ALS2CL: variants seen among roughly 807,000 people sequenced by gnomAD.
ALS2CL encodes the protein ALS2 C-terminal-like protein.
A neutral mutation model predicts 127.9 loss-of-function variants in ALS2CL; 112 were observed. The observed-to-expected ratio is 0.88, with a 90% CI of 0.75 to 1.02. The LOEUF is 1.02. Among genes scored for constraint, ALS2CL ranks in the 50% least tolerant of loss-of-function variants. The pLI is 0.00. For synonymous variants in ALS2CL, 519 were observed against 527.6 expected (o/e 0.98, Z 0.22); for missense variants, 1,174 against 1,236.7 (o/e 0.95, Z 0.76).
rs893598498 is a variant in ALS2CL, at chr3:46,686,604, G to A, written c.535-165C>T. On this transcript the variant is annotated intron_variant, in intron 5 of 25. Transcript: ENST00000318962. This position sits in a 1 kb window ranked among gnomAD's most constrained non-coding sequence, Gnocchi z 4.3. ...GGGGCAGGGGGTGGAATATGAAGGTGCTTCCCCAGCTTGGCCCTGGGCCCA... is the reference window on the plus strand; with the variant it reads ...GGGGCAGGGGGTGGAATATGAAGGTACTTCCCCAGCTTGGCCCTGGGCCCA... Among the ~76,000 whole-genome samples the A allele has an allele frequency of 6.6e-6, 1 of 152,116 alleles. No homozygotes were observed. Among genetic ancestry groups the A allele is most frequent in the Non-Finnish European group, 1.5e-5 (1 of 68,012 alleles).
intron 3 of ALS2CL, 120 bp downstream of exon 3, chr3:46,687,978 C>T: frequency 7.8e-7 from 1 of 1,280,550 alleles, no homozygotes; most frequent in Non-Finnish European, 1.1e-6. Flanking sequence ...CAACCATGGA[C>T]TGAGCCCAAA....
intron 24 of ALS2CL, 99 bp downstream of exon 24, chr3:46,671,785 T>G: frequency 6.4e-7 from 1 of 1,556,154 alleles, no homozygotes; most frequent in Non-Finnish European, 8.7e-7. Flanking sequence ...AGAGAGAAGC[T>G]GCATCCATAA....
chr3:46,669,575 T>A lies in ALS2CL; in HGVS notation c.*1409A>T, dbSNP rs1031952587. On this transcript the variant is annotated 3_prime_UTR_variant, in exon 26 of 26. Transcript: ENST00000318962. ...TCCTAGTGAGCTGCCCCAGTCCCGG[T>A]AAGCATGAGTGCCTGCATATCCTCG... 2 of 152,276 alleles carry A rather than the reference T, an allele frequency of 1.3e-5. No homozygotes were observed. The highest frequency in any genetic ancestry group is 4.8e-5 in the African/African-American group (2 of 41,464). The allele number at this position is 152,276 out of a possible 1,614,324, so 9.4% of individuals were successfully genotyped here.
At position 46,671,059 on chromosome 3, in the gene ALS2CL, A is replaced by G. The variant is rs751083820; in HGVS notation, c.2787T>C (p.Cys929=). The G allele has an allele frequency of 6.2e-7, 1 of 1,614,130 alleles. No individual in the cohort carries two copies. Among genetic ancestry groups the G allele is most frequent in the South Asian group, 1.1e-5 (1 of 91,076 alleles). Residue 929 remains cysteine, a synonymous_variant, in exon 26 of 26, where the codon TGT becomes TGC. Coordinates refer to ENST00000318962, the MANE Select transcript of ALS2CL (RefSeq NM_147129.5). The stretch of plus-strand genomic sequence containing the variant: ...TGTCTTCTTTCTGGATGTGCTCGTA[A>G]CAGGACTGGAGGGAGAGAGGCAAGG... ...YDFLLTALES[C]YEHIQKEDMR... is the part of the protein sequence containing the mutation.
intron 18 of ALS2CL, 71 bp from the exon 19 acceptor site, chr3:46,676,473 C>A: frequency 6.3e-7 from 1 of 1,593,916 alleles, no homozygotes; most frequent in Non-Finnish European, 8.6e-7. Context: ...CCACACCAGC[C>A]TCCCAACACT....
At chr3:46,673,827 A>G (rs1014394778) in intron 21 of ALS2CL, among the ~76,000 whole-genome samples, 1 of 152,082 alleles carries the variant, frequency 6.6e-6, no homozygotes, top group Non-Finnish European at 1.5e-5. Flanking sequence ...TGCAGGACAC[A>G]GTCACCAAGA....
At position 46,678,313 on chromosome 3, in the gene ALS2CL, T is replaced by C. The variant is rs779383612; in HGVS notation, c.1703A>G (p.Gln568Arg). Reference protein sequence around the residue: ...GSGAGRGLHTQGVLDTAALPP... With the variant: ...GSGAGRGLHTRGVLDTAALPP... Reference sequence around the variant, plus strand: ...GAGGGCAGCCGTGTCCAGCACACCCTGTGTGTGCAGTCCTCTCCCTGCCCC... The same window carrying C: ...GAGGGCAGCCGTGTCCAGCACACCCCGTGTGTGCAGTCCTCTCCCTGCCCC... Residue 568 changes from glutamine to arginine, a missense_variant, in exon 16 of 26, where the codon CAG becomes CGG. Transcript: ENST00000318962. The C allele has an allele frequency of 1.2e-6, 2 of 1,612,032 alleles. No homozygotes were observed. Among genetic ancestry groups the C allele is most frequent in the Non-Finnish European group, 1.7e-6 (2 of 1,178,638 alleles).
Position 46,687,162 on chromosome 3 carries a change from G to C in ALS2CL, c.369-14C>G, listed in dbSNP as rs769082097. 6.5e-7 allele frequency: 1 copy of C among 1,540,354 alleles called. No individual in the cohort carries two copies. The highest frequency in any genetic ancestry group is 1.4e-5 in the African/African-American group (1 of 73,094). ...CGCCAGTACTCGCTGCGTGTAGAGAGGGCCACGCACCACCTTCACCCCTTC... is the reference window on the plus strand; with the variant it reads ...CGCCAGTACTCGCTGCGTGTAGAGACGGCCACGCACCACCTTCACCCCTTC... On this transcript the variant is annotated splice_polypyrimidine_tract_variant and intron_variant, in intron 4 of 25. Transcript: ENST00000318962.
rs1015417217 is a variant in ALS2CL at position 46,693,665 on chromosome 3, G to GC, written c.-49dup. 6.6e-6 allele frequency: 1 copy of GC among 152,278 alleles called. No individual in the cohort carries two copies. Among genetic ancestry groups the GC allele is most frequent in the Non-Finnish European group, 1.5e-5 (1 of 68,102 alleles). 9.4% of individuals were successfully genotyped at this position (152,278 alleles called of 1,614,324 possible). A position where few individuals can be genotyped will look rare whatever the true frequency, so the allele number is the denominator to read the frequency against. On this transcript the variant is annotated 5_prime_UTR_variant, in exon 1 of 26. Transcript: ENST00000318962. ...TACCTGAGCGCTGTGGTTGCCCCGC[G>GC]CCGGGACTGCCTGTGCGGCTCCTCG... is the stretch of plus-strand genomic sequence containing the variant.
At chr3:46,679,114 C>A (rs1699112870) in intron 15 of ALS2CL, 96 bp downstream of exon 15, 16 of 1,307,386 alleles carry the variant, frequency 1.2e-5, no homozygotes, top group Admixed American at 2.3e-5. Context: ...GACAGGCCCT[C>A]CCCTACCTGC....
rs751243011 is a variant in ALS2CL, at chr3:46,674,709, G to T, written c.2286C>A (p.Pro762=). ...RDLQVHGLVL[P]LMLPSFYSEL... is the part of the protein sequence containing the mutation. ...CTGAGTAGAAGCTGGGCAGCATGAG[G>T]GGCAGCACCAATCCATGCACCTGGA... Residue 762 remains proline, a synonymous_variant, in exon 21 of 26, where the codon CCC becomes CCA. Transcript: ENST00000318962. The T allele has an allele frequency of 6.2e-7, 1 of 1,613,394 alleles. No individual in the cohort carries two copies. Among genetic ancestry groups the T allele is most frequent in the Non-Finnish European group, 8.5e-7 (1 of 1,179,758 alleles).
chr3:46,675,973 C>A (rs1575414400), intron 19 of ALS2CL: 2 of 1,423,260 alleles, frequency 1.4e-6, no homozygotes, highest in East Asian at 5.1e-5. Flanking sequence ...GGGCCAAGCT[C>A]AGCCTACAGT....
intron 2 of ALS2CL, 62 bp from the exon 3 acceptor site, chr3:46,688,358 T>C: frequency 6.6e-7 from 1 of 1,513,514 alleles, no homozygotes; most frequent in Non-Finnish European, 9.0e-7. Flanking sequence ...CCAGGGAACA[T>C]GCACAGGCCC....
At chr3:46,692,700 G>T (rs890819233) in intron 1 of ALS2CL, among the ~76,000 whole-genome samples, 8 of 152,220 alleles carry the variant, frequency 5.3e-5, no homozygotes, top group Non-Finnish European at 7.3e-5. Flanking sequence ...GTGGGGTGGG[G>T]CAGGGTGAGG....
chr3:46,671,354 C>T lies in ALS2CL; in HGVS notation c.2781+134G>A, dbSNP rs1336361040. 3 of 1,420,212 alleles carry T rather than the reference C, an allele frequency of 2.1e-6. No homozygotes were observed. In the African/African-American group the frequency reaches 4.3e-5, roughly 20 times the overall value. 88.0% of individuals were successfully genotyped at this position (1,420,212 alleles called of 1,614,324 possible). ...AGCAGGATCAGGGACACTGTGAGGACCCTTCCCAGAGTCACACATGAGCTG... is the reference window on the plus strand; with the variant it reads ...AGCAGGATCAGGGACACTGTGAGGATCCTTCCCAGAGTCACACATGAGCTG... On this transcript the variant is annotated intron_variant, in intron 25 of 25. Transcript: ENST00000318962.
chr3:46,687,175 C>T, intron 4 of ALS2CL, 27 bp from the exon 5 acceptor site: 1 of 1,500,068 alleles, frequency 6.7e-7, no homozygotes, highest in Non-Finnish European at 8.9e-7. Flanking sequence ...CCACGCACCA[C>T]CTTCACCCCT....
At chr3:46,671,786 G>A (rs1461016416) in intron 24 of ALS2CL, 98 bp downstream of exon 24, 10 of 1,557,216 alleles carry the variant, frequency 6.4e-6, no homozygotes, top group Non-Finnish European at 3.5e-6. Context: ...GAGAGAAGCT[G>A]CATCCATAAA....
In ALS2CL at chr3:46,674,628, C is replaced by T. The variant is rs1482351868; in HGVS notation, c.2367G>A (p.Gln789=). The T allele has an allele frequency of 6.2e-7, 1 of 1,614,148 alleles. No homozygotes were observed. The highest frequency in any genetic ancestry group is 8.5e-7 in the Non-Finnish European group (1 of 1,180,020). ...LHEREDSFYS[Q]GIANLSLFPD... ...GAAAGAGGCTCAAGTTGGCAATGCC[C>T]TGGCTGTAGAAGCTGTCCTCCCGCT... Residue 789 remains glutamine, a synonymous_variant, in exon 21 of 26, where the codon CAG becomes CAA. Transcript: ENST00000318962.
Position 46,670,743 on chromosome 3 carries a change from G to T in ALS2CL, c.*241C>A. ...CACCCCCAGCCTGTGAGCTGCTGCA[G>T]ATTAAGGGGTCATTGAAGATGGGCT... is the stretch of plus-strand genomic sequence containing the variant. On this transcript the variant is annotated 3_prime_UTR_variant, in exon 26 of 26. Transcript: ENST00000318962. The surrounding 1 kb of genome is among the most constrained non-coding windows in gnomAD (Gnocchi z 5.5). The T allele has an allele frequency of 2.0e-6, 1 of 498,170 alleles. No homozygotes were observed. Among genetic ancestry groups the T allele is most frequent in the Non-Finnish European group, 3.7e-6 (1 of 271,032 alleles). 30.9% of individuals were successfully genotyped at this position (498,170 alleles called of 1,614,324 possible). A position where few individuals can be genotyped will look rare whatever the true frequency, so the allele number is the denominator to read the frequency against.
Sources: allele counts gnomAD v4.1 joint callset (sites outside exome capture counted in the v4.1 genomes callset), GRCh38; gene constraint gnomAD v4.1.1; non-coding constraint Gnocchi (gnomAD v3.1); transcripts MANE v1.5; gene names NCBI Gene and HGNC (gene_info 2026-07-23, HGNC 2026-07-21).